Variants in CAMKK2 observed in about 807,000 individuals in gnomAD.
CAMKK2 encodes calcium/calmodulin-dependent protein kinase kinase 2.
Under a neutral mutation model 67.2 loss-of-function variants are expected in CAMKK2, and 30 were observed. That is an observed-to-expected ratio of 0.45 (90% CI 0.33 to 0.61). The LOEUF (loss-of-function observed/expected upper bound fraction) is 0.61, where lower values mean the gene tolerates loss of function less well. Among genes scored for constraint, CAMKK2 ranks in the 20% least tolerant of loss-of-function variants. The probability of loss-of-function intolerance (pLI) is 0.02; values close to 1 mark genes in which losing one functional copy is unlikely to be tolerated. For missense variants in CAMKK2, 643 were observed against 802.0 expected, an observed-to-expected ratio of 0.80 and a Z score of 2.39; for synonymous variants, 322 against 326.2, an observed-to-expected ratio of 0.99 and a Z score of 0.14.
At chr12:121,247,847 G>A (rs907092518) in intron 14 of CAMKK2, among the ~76,000 whole-genome samples, 1 of 152,132 alleles carries the variant, frequency 6.6e-6, no homozygotes, top group Non-Finnish European at 1.5e-5. Flanking sequence ...AGAGCCCAGG[G>A]GCCCGCCGGC....
At position 121,239,413 on chromosome 12, in the gene CAMKK2, T is replaced by A. The variant is rs1357521075; in HGVS notation, c.*1286A>T. The stretch of plus-strand genomic sequence containing the variant: ...AGATGAACCCTTTCTTTCTGGACTT[T>A]TAGCTACAAAGGGGAACTTCCTGTG... On this transcript the variant is annotated 3_prime_UTR_variant, in exon 17 of 17. Transcript: ENST00000404169. 1 of 152,236 alleles carries A rather than the reference T, an allele frequency of 6.6e-6. No individual in the cohort carries two copies. The highest frequency in any genetic ancestry group is 1.5e-5 in the Non-Finnish European group (1 of 68,048). The allele number at this position is 152,236 out of a possible 1,614,324, so 9.4% of individuals were successfully genotyped here. A position where few individuals can be genotyped will look rare whatever the true frequency, so the allele number is the denominator to read the frequency against.
intron 3 of CAMKK2, 38 bp from the exon 4 acceptor site, chr12:121,269,619 A>T (rs1329101494): frequency 1.3e-6 from 2 of 1,534,714 alleles, no homozygotes; most frequent in Admixed American, 1.8e-5. Flanking sequence ...ACTATCCAGA[A>T]GTTAAGATCT....
intron 1 of CAMKK2, among the ~76,000 whole-genome samples, chr12:121,290,867 G>A (rs913260415): frequency 2.6e-5 from 4 of 152,178 alleles, no homozygotes; most frequent in African/African-American, 9.6e-5. Flanking sequence ...CACCCAGGCT[G>A]GAGTGCAGTC....
At chr12:121,297,376 T>C, upstream of CAMKK2, 1 of 325,434 alleles carries the variant, frequency 3.1e-6, no homozygotes, top group Non-Finnish European at 6.2e-6. Flanking sequence ...GACTGACCAC[T>C]TGCTCAGGGC....
chr12:121,295,060 C>T lies in CAMKK2; in HGVS notation c.-60+1578G>A, dbSNP rs148614409. On this transcript the variant is annotated intron_variant, in intron 1 of 16. Transcript: ENST00000404169. Reference sequence around the variant, plus strand: ...TGGTGGGCGCCTGTAATCCCAGCTACTGGAGAGGCTGAGGCATGAGAATCG... The same window carrying T: ...TGGTGGGCGCCTGTAATCCCAGCTATTGGAGAGGCTGAGGCATGAGAATCG... 9.6e-3 allele frequency among the ~76,000 whole-genome samples: 1,464 copies of T among 152,152 alleles called. 51 individuals carry two copies. The highest frequency in any genetic ancestry group is 0.064 in the Admixed American group (982 of 15,270).
Position 121,255,206 on chromosome 12 carries a change from T to TTA in CAMKK2, c.907+342_907+343dup, listed in dbSNP as rs1161767476. On this transcript the variant is annotated intron_variant, in intron 9 of 16. Transcript: ENST00000404169. Reference sequence around the variant, plus strand: ...AATAAACTCCCCTTTATATATATAATTATATATATAATTTTATATATATAT... The same window carrying TTA: ...AATAAACTCCCCTTTATATATATAATTATATATATATAATTTTATATATATAT... Among the ~76,000 whole-genome samples the TTA allele has an allele frequency of 1.5e-3, 36 of 23,928 alleles. 1 individual carries two copies. The highest frequency in any genetic ancestry group is 2.0e-3 in the Non-Finnish European group (29 of 14,842). 15.7% of individuals were successfully genotyped at this position (23,928 alleles called of 152,430 possible). A position where few individuals can be genotyped will look rare whatever the true frequency, so the allele number is the denominator to read the frequency against.
intron 6 of CAMKK2, 56 bp from the exon 7 acceptor site, chr12:121,260,411 G>C (rs774863495): frequency 1.5e-5 from 23 of 1,526,612 alleles, no homozygotes; most frequent in Non-Finnish European, 1.8e-5. Context: ...GAAAAAGAGA[G>C]AATAGATATG....
chr12:121,242,936 G>C (rs1241914186), intron 16 of CAMKK2, among the ~76,000 whole-genome samples: 2 of 152,026 alleles, frequency 1.3e-5, no homozygotes, highest in Non-Finnish European at 2.9e-5. Context: ...TAGAGACGGG[G>C]TTTCACTGTG....
intron 16 of CAMKK2, among the ~76,000 whole-genome samples, chr12:121,241,602 C>T (rs1352767864): frequency 6.6e-6 from 1 of 152,248 alleles, no homozygotes; most frequent in African/African-American, 2.4e-5. Flanking sequence ...ACACAGCTCC[C>T]CTGTTCTTAG....
chr12:121,296,041 C>A lies in CAMKK2; in HGVS notation c.-60+597G>T, dbSNP rs1901097573. ...GTGAATTTAGGTCAGAAGGACCAAG[C>A]CTGTGAGGCTCCGGCTGAGAGAAGA... On this transcript the variant is annotated intron_variant, in intron 1 of 16. Coordinates refer to ENST00000404169, the MANE Select transcript of CAMKK2 (RefSeq NM_001270485.2). The surrounding 1 kb of genome is among the most constrained non-coding windows in gnomAD (Gnocchi z 7.1). Among the ~76,000 whole-genome samples the A allele has an allele frequency of 6.6e-6, 1 of 152,192 alleles. No individual in the cohort carries two copies. Among genetic ancestry groups the A allele is most frequent in the African/African-American group, 2.4e-5 (1 of 41,448 alleles).
At chr12:121,289,127 G>A (rs866897734) in intron 1 of CAMKK2, among the ~76,000 whole-genome samples, 3 of 152,158 alleles carry the variant, frequency 2.0e-5, no homozygotes, top group East Asian at 3.9e-4. Flanking sequence ...GCAGAGCCAG[G>A]GCGCCCCACT....
rs1008397544 is a variant in CAMKK2 at position 121,270,203 on chromosome 12, CTACAAAAAT to C, written c.520-631_520-623del. Reference sequence around the variant, plus strand: ...TGGGCAACATAGTGAAACCCTGTCTCTACAAAAATTACAAAAATTAGCCAGGTGTGGTGG... The same window carrying C: ...TGGGCAACATAGTGAAACCCTGTCTCTACAAAAATTAGCCAGGTGTGGTGG... On this transcript the variant is annotated intron_variant, in intron 3 of 16. Transcript: ENST00000404169. Among the ~76,000 whole-genome samples the C allele has an allele frequency of 2.0e-4, 31 of 152,160 alleles. 1 individual carries two copies. Among genetic ancestry groups the C allele is most frequent in the African/African-American group, 7.2e-4 (30 of 41,512 alleles).
At chr12:121,257,324 G>T (rs1217260040) in intron 7 of CAMKK2, among the ~76,000 whole-genome samples, 1 of 150,054 alleles carries the variant, frequency 6.7e-6, no homozygotes, top group Non-Finnish European at 1.5e-5. Flanking sequence ...TTGGCTCACT[G>T]CAACCTCTGC....
At chr12:121,267,757 G>C (rs775584349) in intron 5 of CAMKK2, among the ~76,000 whole-genome samples, 6 of 151,922 alleles carry the variant, frequency 3.9e-5, no homozygotes, top group Non-Finnish European at 8.8e-5. Flanking sequence ...GCCTCCCAGA[G>C]TGCTGGGATT....
At chr12:121,252,425 C>T (rs544153795) in intron 11 of CAMKK2, among the ~76,000 whole-genome samples, 20 of 152,348 alleles carry the variant, frequency 1.3e-4, no homozygotes, top group African/African-American at 4.6e-4. Context: ...TGCGCCATCA[C>T]GCCTGGCTAA....
Position 121,240,950 on chromosome 12 carries a change from C to A in CAMKK2, c.1597-81G>T, listed in dbSNP as rs887211081. The A allele has an allele frequency of 3.4e-6, 5 of 1,468,848 alleles. No individual in the cohort carries two copies. Among genetic ancestry groups the A allele is most frequent in the Non-Finnish European group, 4.7e-6 (5 of 1,074,086 alleles). The allele number at this position is 1,468,848 out of a possible 1,614,324, so 91.0% of individuals were successfully genotyped here. On this transcript the variant is annotated intron_variant, in intron 16 of 16. Coordinates refer to ENST00000404169, the MANE Select transcript of CAMKK2 (RefSeq NM_001270485.2). The surrounding 1 kb of genome is among the most constrained non-coding windows in gnomAD (Gnocchi z 4.4). The stretch of plus-strand genomic sequence containing the variant: ...TGAGCCAGCTGCTCCCACATCTGGG[C>A]CCCCTGCCCAAGTGGGCCGTCGCGC...
intron 9 of CAMKK2, among the ~76,000 whole-genome samples, chr12:121,254,105 C>T (rs917528843): frequency 6.6e-6 from 1 of 152,156 alleles, no homozygotes; most frequent in Non-Finnish European, 1.5e-5. Context: ...TTGTGTTTCA[C>T]ATTCACATTT....
rs1390381989 is a variant in CAMKK2, at chr12:121,240,753, G to A, written c.1713C>T (p.Gly571=). ...GCAGTGGATGCATGCGTGCGGGGGA[G>A]CCGGGGGCGGGGGCCCAGCAACTTT... ...CVESCWAPAP[G]SPARMHPLRP... Residue 571 remains glycine (G), a synonymous_variant, in exon 17 of 17, where the codon GGC becomes GGT. Coordinates refer to ENST00000404169, the MANE Select transcript of CAMKK2 (RefSeq NM_001270485.2). The surrounding 1 kb of genome is among the most constrained non-coding windows in gnomAD (Gnocchi z 4.4). 6.2e-7 allele frequency: 1 copy of A among 1,609,070 alleles called. No homozygotes were observed. The highest frequency in any genetic ancestry group is 1.1e-5 in the South Asian group (1 of 90,752).
Position 121,268,083 on chromosome 12 carries a change from C to CATAT in CAMKK2, c.625+551_625+554dup, listed in dbSNP as rs71850101. Reference sequence around the variant, plus strand: ...TGGCTGAATAATATTCCATTGGATGCATATATATATATATATACTCTATTC... The same window carrying CATAT: ...TGGCTGAATAATATTCCATTGGATGCATATATATATATATATATATACTCTATTC... On this transcript the variant is annotated intron_variant, in intron 5 of 16. Transcript: ENST00000404169. Among the ~76,000 whole-genome samples, 388 of 97,018 alleles carry CATAT rather than the reference C, an allele frequency of 4.0e-3. 42 individuals are homozygous for CATAT. The highest frequency in any genetic ancestry group is 7.8e-3 in the African/African-American group (175 of 22,516). 63.6% of individuals were successfully genotyped at this position (97,018 alleles called of 152,430 possible).
Sources: gnomAD v4.1 joint callset for allele counts (sites outside exome capture counted in the v4.1 genomes callset) on GRCh38, gnomAD v4.1.1 for gene constraint, Gnocchi (gnomAD v3.1) non-coding constraint, MANE v1.5 for transcripts, NCBI Gene and HGNC (gene_info 2026-07-23, HGNC 2026-07-21) for gene names.